The following RGS7BP variants were observed in gnomAD, a reference collection of about 807,000 sequenced individuals.
RGS7BP encodes the protein regulator of G protein signaling 7-binding protein.
Under a neutral mutation model 31.3 loss-of-function variants are expected in RGS7BP, and 9 were observed. That is an observed-to-expected ratio of 0.29 (90% confidence interval 0.17 to 0.50). The LOEUF (loss-of-function observed/expected upper bound fraction) is 0.50, where lower values mean the gene tolerates loss of function less well. RGS7BP is among the 20% of genes least tolerant of loss of function. The pLI is 0.98. For missense variants in RGS7BP, 274 were observed against 322.0 expected (o/e 0.85, Z 1.14); for synonymous variants, 115 against 120.1 (o/e 0.96, Z 0.28).
rs865880529 is a variant in RGS7BP at position 64,523,254 on chromosome 5, G to A, written c.332+15377G>A. Among the ~76,000 whole-genome samples, 12 of 152,332 alleles carry A rather than the reference G, an allele frequency of 7.9e-5. No individual in the cohort carries two copies. The Middle Eastern group carries it at 0.01, about 130-fold the overall frequency. On this transcript the variant is annotated intron_variant, in intron 2 of 5. Coordinates refer to ENST00000334025, the MANE Select transcript of RGS7BP (RefSeq NM_001029875.3). ...GGCAGTGCTGTTGGGGTGAGCCCGTGCCCCTGGATCTGAAGCAGGCAGCTG... is the reference window on the plus strand; with the variant it reads ...GGCAGTGCTGTTGGGGTGAGCCCGTACCCCTGGATCTGAAGCAGGCAGCTG...
chr5:64,528,684 GCCTGTAAT>G (rs1749293124), intron 2 of RGS7BP, among the ~76,000 whole-genome samples: 1 of 151,874 alleles, frequency 6.6e-6, no homozygotes, highest in Non-Finnish European at 1.5e-5. Flanking sequence ...GGTGATGCGA[GCCTGTAAT>G]CCCAGCTACT....
intron 2 of RGS7BP, among the ~76,000 whole-genome samples, chr5:64,513,525 G>C (rs573195179): frequency 6.6e-6 from 1 of 152,312 alleles, no homozygotes; most frequent in South Asian, 2.1e-4. Flanking sequence ...GGGAGAGTGA[G>C]ATAAGGGAAA....
intron 3 of RGS7BP, among the ~76,000 whole-genome samples, chr5:64,590,276 TA>T (rs1476306419): frequency 2.0e-5 from 3 of 152,034 alleles, no homozygotes; most frequent in Non-Finnish European, 4.4e-5. Context: ...TTCGGTCATA[TA>T]AAAACTAACG....
At chr5:64,534,222 G>A (rs1364270395) in intron 2 of RGS7BP, among the ~76,000 whole-genome samples, 1 of 151,010 alleles carries the variant, frequency 6.6e-6, no homozygotes, top group African/African-American at 2.4e-5. Flanking sequence ...AGGCAGGAAC[G>A]AACTTGGCTA....
intron 2 of RGS7BP, among the ~76,000 whole-genome samples, chr5:64,530,290 G>C (rs1749337167): frequency 1.3e-5 from 2 of 152,178 alleles, no homozygotes; most frequent in Admixed American, 6.5e-5. Flanking sequence ...TCATCTCCCA[G>C]GTTTATCTGA....
intron 2 of RGS7BP, among the ~76,000 whole-genome samples, chr5:64,534,011 C>T (rs2111789657): frequency 6.6e-6 from 1 of 152,204 alleles, no homozygotes; most frequent in African/African-American, 2.4e-5. Flanking sequence ...TGTATAAGGA[C>T]AGTAATAGAA....
chr5:64,564,668 A>G (rs1742128720), intron 2 of RGS7BP, among the ~76,000 whole-genome samples: 1 of 152,122 alleles, frequency 6.6e-6, no homozygotes. Context: ...CTGCCTGCAG[A>G]CTTACCTCCT....
rs1743479565 is a variant in RGS7BP, at chr5:64,610,644, T to G, written c.*1392T>G. The G allele has an allele frequency of 2.0e-5, 3 of 151,994 alleles. No homozygotes were observed. Among genetic ancestry groups the G allele is most frequent in the Admixed American group, 1.3e-4 (2 of 15,228 alleles). 9.4% of individuals were successfully genotyped at this position (151,994 alleles called of 1,614,324 possible). On this transcript the variant is annotated 3_prime_UTR_variant, in exon 6 of 6. Transcript: ENST00000334025. The stretch of plus-strand genomic sequence containing the variant: ...ATACTTATGTGCACAGGCATTTATA[T>G]GTATACCAATATTTTTACCTAAAAA...
chr5:64,529,095 T>C (rs1749308602), intron 2 of RGS7BP, among the ~76,000 whole-genome samples: 2 of 152,162 alleles, frequency 1.3e-5, no homozygotes, highest in African/African-American at 4.8e-5. Context: ...TGGGATAGAA[T>C]AAAAATAGTT....
intron 2 of RGS7BP, among the ~76,000 whole-genome samples, chr5:64,543,372 G>A (rs1349079518): frequency 6.6e-6 from 1 of 152,214 alleles, no homozygotes; most frequent in African/African-American, 2.4e-5. Context: ...ATTAATTGGT[G>A]CAAAAACCCC....
intron 2 of RGS7BP, among the ~76,000 whole-genome samples, chr5:64,552,266 TTC>T (rs1741815335): frequency 6.6e-6 from 1 of 151,728 alleles, no homozygotes; most frequent in Non-Finnish European, 1.5e-5. Flanking sequence ...TAGAAAAAAT[TTC>T]TGTTCTTATT....
intron 3 of RGS7BP, among the ~76,000 whole-genome samples, chr5:64,585,499 T>A (rs1184685305): frequency 6.6e-6 from 1 of 150,930 alleles, no homozygotes; most frequent in Non-Finnish European, 1.5e-5. Context: ...ATGGGAGAAA[T>A]AAGAGATGAG....
intron 5 of RGS7BP, among the ~76,000 whole-genome samples, chr5:64,599,945 A>C (rs749775301): frequency 1.3e-5 from 2 of 152,218 alleles, no homozygotes; most frequent in Non-Finnish European, 2.9e-5. Context: ...CTTAGAGAGC[A>C]AACACTTGAC....
chr5:64,608,642 A>G (rs1043529405), intron 5 of RGS7BP, among the ~76,000 whole-genome samples: 2 of 152,062 alleles, frequency 1.3e-5, no homozygotes, highest in African/African-American at 2.4e-5. Context: ...ATTTCATGTA[A>G]TCCTCACCTG....
rs1743127531 is a variant in RGS7BP, at chr5:64,598,258, A to C, written c.612-107A>C. 1.1e-5 allele frequency: 8 copies of C among 701,618 alleles called. No individual in the cohort carries two copies. The Admixed American group carries it at 1.8e-4, about 16-fold the overall frequency. 43.5% of individuals were successfully genotyped at this position (701,618 alleles called of 1,614,324 possible). On this transcript the variant is annotated intron_variant, in intron 4 of 5. Coordinates refer to ENST00000334025, the MANE Select transcript of RGS7BP (RefSeq NM_001029875.3). Reference sequence around the variant, plus strand: ...GCCTACTGGAAACTAGAGCTAGTGCAATTAGACACAGACCCTCATCTTTCA... The same window carrying C: ...GCCTACTGGAAACTAGAGCTAGTGCCATTAGACACAGACCCTCATCTTTCA...
chr5:64,594,592 G>A (rs1743012248), intron 3 of RGS7BP, 118 bp from the exon 4 acceptor site: 2 of 857,786 alleles, frequency 2.3e-6, no homozygotes, highest in Non-Finnish European at 3.8e-6. Flanking sequence ...AAGCTATTAG[G>A]GTTAATGGAA....
chr5:64,540,435 AC>A (rs1365838797), intron 2 of RGS7BP, among the ~76,000 whole-genome samples: 5 of 152,170 alleles, frequency 3.3e-5, no homozygotes. Flanking sequence ...AACTTGATAG[AC>A]CATGTGTAGT....
chr5:64,596,948 C>T (rs1247833622), intron 4 of RGS7BP, among the ~76,000 whole-genome samples: 2 of 152,122 alleles, frequency 1.3e-5, no homozygotes, highest in Admixed American at 6.6e-5. Context: ...ACTGTCTTTC[C>T]TCAAATAACA....
chr5:64,532,441 T>C (rs1485682245), intron 2 of RGS7BP, among the ~76,000 whole-genome samples: 1 of 152,188 alleles, frequency 6.6e-6, no homozygotes, highest in African/African-American at 2.4e-5. Flanking sequence ...AAAGAGCATT[T>C]ATTCTTAGGA....
Sources: gnomAD v4.1 joint callset for allele counts (sites outside exome capture counted in the v4.1 genomes callset) on GRCh38, gnomAD v4.1.1 for gene constraint, MANE v1.5 for transcripts, NCBI Gene and HGNC (gene_info 2026-07-23, HGNC 2026-07-21) for gene names.